Variants in RGSL1 observed in about 807,000 individuals in gnomAD.
The protein encoded by RGSL1 is regulator of G protein signaling like 1, also known as regulator of G protein signaling protein-like.
In RGSL1, 97 loss-of-function variants were observed where a neutral mutation model predicts 124.7. That is an observed-to-expected ratio of 0.78 (90% CI 0.66 to 0.92). RGSL1 has a LOEUF of 0.92. Ranked by LOEUF, RGSL1 falls within the 40% of genes least tolerant of loss-of-function variation. RGSL1 has a pLI of 0.00. For missense variants in RGSL1, 1,233 were observed against 1,288.4 expected (o/e 0.96, Z 0.66); for synonymous variants, 424 against 438.1 (o/e 0.97, Z 0.40).
intron 14 of RGSL1, 56 bp downstream of exon 14, chr1:182,532,847 C>T (rs1170446020): frequency 1.5e-5 from 22 of 1,506,392 alleles, no homozygotes. Context: ...CCATGAGGGT[C>T]AGCCCACATA....
intron 6 of RGSL1, among the ~76,000 whole-genome samples, chr1:182,478,976 G>C (rs1300874536): frequency 6.6e-6 from 1 of 152,126 alleles, no homozygotes; most frequent in East Asian, 1.9e-4. Context: ...TGGCAATTGA[G>C]AATTCTTTAC....
intron 4 of RGSL1, among the ~76,000 whole-genome samples, chr1:182,465,501 T>C (rs1223493342): frequency 1.3e-5 from 2 of 151,478 alleles, no homozygotes; most frequent in African/African-American, 4.8e-5. Context: ...TTAGGAGATA[T>C]ACCTAATGTA....
rs552046557 is a variant in RGSL1, at chr1:182,469,180, C to A, written c.302-3216C>A. ...CAAAGAATTGGGCTTCATAAAAAAT[C>A]AAAAAACTTGTGCATCAAAAGATAC... On this transcript the variant is annotated intron_variant, in intron 4 of 21. Coordinates refer to ENST00000294854, the MANE Select transcript of RGSL1 (RefSeq NM_001137669.2). Among the ~76,000 whole-genome samples the A allele has an allele frequency of 1.3e-4, 19 of 151,952 alleles. No individual in the cohort carries two copies. The South Asian group carries it at 3.5e-3, about 28-fold the overall frequency.
chr1:182,512,212 T>G (rs1277422028), intron 9 of RGSL1, among the ~76,000 whole-genome samples: 1 of 152,198 alleles, frequency 6.6e-6, no homozygotes, highest in Admixed American at 6.5e-5. Flanking sequence ...ACATAAATAT[T>G]TATAATTGTT....
At chr1:182,475,158 A>ATGAGG (rs1244610094) in intron 6 of RGSL1, among the ~76,000 whole-genome samples, 1 of 152,216 alleles carries the variant, frequency 6.6e-6, no homozygotes, top group African/African-American at 2.4e-5. Context: ...ACCTCAGAGT[A>ATGAGG]TTCTATGAGG....
chr1:182,473,835 T>C lies in RGSL1; in HGVS notation c.724T>C (p.Phe242Leu). Residue 242 changes from phenylalanine to leucine, a missense_variant, in exon 6 of 22, where the codon TTT becomes CTT. Coordinates refer to ENST00000294854, the MANE Select transcript of RGSL1 (RefSeq NM_001137669.2). ...CATGAGCATCAAGAAGTGCCACCAC[T>C]TTCAGAAACGGTACTCAAGCAGGAA... is the stretch of plus-strand genomic sequence containing the variant. ...LNMSIKKCHH[F>L]QKRYSSRKAK... is the part of the protein sequence containing the mutation. 6.4e-7 allele frequency: 1 copy of C among 1,551,668 alleles called. No homozygotes were observed. Among genetic ancestry groups the C allele is most frequent in the Non-Finnish European group, 8.7e-7 (1 of 1,146,970 alleles).
intron 4 of RGSL1, among the ~76,000 whole-genome samples, chr1:182,460,920 G>C (rs570225436): frequency 1.4e-4 from 21 of 152,288 alleles, no homozygotes; most frequent in African/African-American, 4.6e-4. Flanking sequence ...ACATGTTCCT[G>C]GGGCAGCTTA....
intron 11 of RGSL1, 39 bp from the exon 12 acceptor site, chr1:182,530,205 A>G: frequency 7.0e-7 from 1 of 1,438,766 alleles, no homozygotes; most frequent in Middle Eastern, 1.8e-4. Flanking sequence ...GAAATGGTAG[A>G]TGAGGATTAC....
At position 182,474,337 on chromosome 1, in the gene RGSL1, T is replaced by C. The variant is rs937857938; in HGVS notation, c.1226T>C (p.Phe409Ser). The C allele has an allele frequency of 3.2e-6, 5 of 1,551,698 alleles. No homozygotes were observed. In the African/African-American group the frequency reaches 6.8e-5, roughly 21 times the overall value. ...LLDLWQDLQHFLSVLLNNKKN... is the reference protein window; with the variant it reads ...LLDLWQDLQHSLSVLLNNKKN... ...GACCTCTGGCAGGACTTGCAGCATTTCCTCAGTGTCCTTCTGAATAACAAA... is the reference window on the plus strand; with the variant it reads ...GACCTCTGGCAGGACTTGCAGCATTCCCTCAGTGTCCTTCTGAATAACAAA... The change falls in exon 6 of 22, where the codon TTC becomes TCC. Residue 409 changes from phenylalanine (F) to serine (S), a missense_variant. Phe to Ser is a radical substitution (Grantham distance 155). Transcript: ENST00000294854.
At chr1:182,454,667 A>C (rs16858990) in intron 2 of RGSL1, among the ~76,000 whole-genome samples, 3,865 of 151,536 alleles carry the variant, frequency 0.026, 154 homozygotes, top group African/African-American at 0.087. Flanking sequence ...CTGCAGGACA[A>C]GGACTGAGGA....
intron 9 of RGSL1, among the ~76,000 whole-genome samples, chr1:182,499,097 T>C (rs960056122): frequency 2.6e-5 from 4 of 152,240 alleles, no homozygotes; most frequent in Non-Finnish European, 5.9e-5. Context: ...CTGGCTCTTA[T>C]GTGGCCAATT....
chr1:182,527,891 T>A (rs879702342), intron 11 of RGSL1, 119 bp downstream of exon 11: 1 of 701,172 alleles, frequency 1.4e-6, no homozygotes, highest in Non-Finnish European at 2.3e-6. Flanking sequence ...AGCAGCCACA[T>A]GGGGCAATAT....
chr1:182,455,577 A>T (rs759527729), intron 2 of RGSL1, among the ~76,000 whole-genome samples: 2 of 143,726 alleles, frequency 1.4e-5, no homozygotes, highest in Non-Finnish European at 3.1e-5. Context: ...GCGAGACTCC[A>T]CCTCAAAAAG....
chr1:182,474,296 G>A lies in RGSL1; in HGVS notation c.1185G>A (p.Val395=). ...RDHLKKLNLK[V]EIQLLDLWQD... ...ACCTGAAGAAGCTGAATTTGAAAGT[G>A]GAGATCCAACTTCTTGACCTCTGGC... Residue 395 remains valine, a synonymous_variant, in exon 6 of 22, where the codon GTG becomes GTA. Transcript: ENST00000294854. 1 of 1,551,776 alleles carries A rather than the reference G, an allele frequency of 6.4e-7. No individual in the cohort carries two copies. The highest frequency in any genetic ancestry group is 2.0e-5 in the Admixed American group (1 of 51,010).
chr1:182,523,177 C>T (rs1658478964), intron 10 of RGSL1, among the ~76,000 whole-genome samples: 1 of 150,342 alleles, frequency 6.7e-6, no homozygotes, highest in African/African-American at 2.4e-5. Flanking sequence ...GCTGGGACTA[C>T]AGGCACATGC....
intron 6 of RGSL1, among the ~76,000 whole-genome samples, chr1:182,484,544 C>T (rs191403994): frequency 6.6e-6 from 1 of 152,250 alleles, no homozygotes; most frequent in East Asian, 1.9e-4. Flanking sequence ...CCCAGGAAGG[C>T]GTGTGAAGCT....
chr1:182,516,753 C>G (rs1657926829), intron 9 of RGSL1, among the ~76,000 whole-genome samples: 1 of 152,228 alleles, frequency 6.6e-6, no homozygotes, highest in East Asian at 1.9e-4. Flanking sequence ...AACTCCACCC[C>G]TCCCACAGTT....
intron 18 of RGSL1, among the ~76,000 whole-genome samples, chr1:182,551,759 T>C (rs1660579315): frequency 2.0e-5 from 3 of 152,114 alleles, no homozygotes; most frequent in Admixed American, 6.6e-5. Flanking sequence ...TACACACACA[T>C]ACAGCCATGC....
intron 21 of RGSL1, among the ~76,000 whole-genome samples, chr1:182,557,073 G>A (rs894653018): frequency 6.6e-6 from 1 of 152,226 alleles, no homozygotes; most frequent in African/African-American, 2.4e-5. Flanking sequence ...CTGAGACTCT[G>A]AGGTCACCTG....
Sources: allele counts gnomAD v4.1 joint callset (sites outside exome capture counted in the v4.1 genomes callset), GRCh38; gene constraint gnomAD v4.1.1; transcripts MANE v1.5; gene names NCBI Gene and HGNC (gene_info 2026-07-23, HGNC 2026-07-21).